VEPH1: variants seen among roughly 807,000 people sequenced by gnomAD.
VEPH1 encodes the protein ventricular zone expressed PH domain containing 1.
A neutral mutation model predicts 85.2 loss-of-function variants in VEPH1; 80 were observed. That is an observed-to-expected ratio of 0.94 (90% CI 0.78 to 1.13). The LOEUF is 1.13. VEPH1 is among the 50% of genes most tolerant of loss of function. VEPH1 has a pLI of 0.00. For synonymous variants in VEPH1, 297 were observed against 348.0 expected (o/e 0.85, Z 1.63); for missense variants, 955 against 980.5 (o/e 0.97, Z 0.35).
At chr3:157,495,143 G>C in intron 2 of VEPH1, 69 bp downstream of exon 2, 2 of 1,476,324 alleles carry the variant, frequency 1.4e-6, no homozygotes, top group South Asian at 2.5e-5. Flanking sequence ...TTTCTGCCAG[G>C]ATATAAACAA....
chr3:157,344,795 C>T (rs1238795174), intron 9 of VEPH1, among the ~76,000 whole-genome samples: 3 of 152,146 alleles, frequency 2.0e-5, no homozygotes, highest in Non-Finnish European at 2.9e-5. Context: ...GCTACAATAA[C>T]CAAAACATCA....
chr3:157,380,950 A>G lies in VEPH1; in HGVS notation c.1127+206T>C, dbSNP rs117947168. ...CTAATTCTTTTACCATATTTTGTGA[A>G]CCTTTTAAATTTATTGTTTTGTTAC... On this transcript the variant is annotated intron_variant, in intron 7 of 13. Coordinates refer to ENST00000362010, the MANE Select transcript of VEPH1 (RefSeq NM_001167912.2). Among the ~76,000 whole-genome samples the G allele has an allele frequency of 2.8e-3, 429 of 152,310 alleles. 7 individuals carry two copies. The East Asian group carries it at 0.044, about 16-fold the overall frequency.
intron 6 of VEPH1, among the ~76,000 whole-genome samples, chr3:157,399,889 T>G (rs1445293398): frequency 2.0e-5 from 3 of 152,140 alleles, no homozygotes; most frequent in Admixed American, 2.0e-4. Flanking sequence ...TCTCCAACTT[T>G]GAGCCGATTT....
At chr3:157,479,103 C>T (rs1737768250) in intron 2 of VEPH1, among the ~76,000 whole-genome samples, 1 of 152,102 alleles carries the variant, frequency 6.6e-6, no homozygotes, top group African/African-American at 2.4e-5. Flanking sequence ...ATCAGCTTTG[C>T]AATTAGGGTT....
In VEPH1 at chr3:157,261,104, G is replaced by A; in HGVS notation, c.*30C>T. On this transcript the variant is annotated 3_prime_UTR_variant, in exon 14 of 14. Transcript: ENST00000362010. ...GCAATGATAATACAATGCCTGTGGT[G>A]TATAATTGTCATGGCTGACTTATAA... 6.2e-7 allele frequency: 1 copy of A among 1,608,216 alleles called. No individual in the cohort carries two copies. The highest frequency in any genetic ancestry group is 8.5e-7 in the Non-Finnish European group (1 of 1,178,468).
chr3:157,343,135 A>G (rs1414509413), intron 9 of VEPH1, among the ~76,000 whole-genome samples: 1 of 152,208 alleles, frequency 6.6e-6, no homozygotes, highest in African/African-American at 2.4e-5. Flanking sequence ...AGCAAGAGCA[A>G]ATACATTCAA....
rs182913155 is a variant in VEPH1, at chr3:157,382,395, C to A, written c.907-1019G>T. Among the ~76,000 whole-genome samples the A allele has an allele frequency of 1.7e-4, 26 of 152,254 alleles. No individual in the cohort carries two copies. In the East Asian group the frequency reaches 1.9e-3, roughly 11 times the overall value. On this transcript the variant is annotated intron_variant, in intron 6 of 13. Coordinates refer to ENST00000362010, the MANE Select transcript of VEPH1 (RefSeq NM_001167912.2). Reference sequence around the variant, plus strand: ...ATATTTTGAGGCAACATGATCTAATCTGACATGACTGGAAGTTAGCCAAAA... The same window carrying A: ...ATATTTTGAGGCAACATGATCTAATATGACATGACTGGAAGTTAGCCAAAA...
At chr3:157,421,400 G>T (rs552335684) in intron 5 of VEPH1, among the ~76,000 whole-genome samples, 1 of 152,262 alleles carries the variant, frequency 6.6e-6, no homozygotes, top group South Asian at 2.1e-4. Flanking sequence ...TTACCTCCAA[G>T]TTACAGAGCA....
chr3:157,349,885 A>G (rs550205136), intron 9 of VEPH1, among the ~76,000 whole-genome samples: 1 of 152,340 alleles, frequency 6.6e-6, no homozygotes, highest in South Asian at 2.1e-4. Flanking sequence ...GGATACAAAC[A>G]AATGGAAAGA....
intron 12 of VEPH1, among the ~76,000 whole-genome samples, chr3:157,278,041 G>T (rs572586383): frequency 6.6e-6 from 1 of 152,296 alleles, no homozygotes; most frequent in African/African-American, 2.4e-5. Context: ...CATCTGTTGT[G>T]TGCTAGGGGC....
chr3:157,486,531 C>A (rs1416397745), intron 2 of VEPH1, among the ~76,000 whole-genome samples: 1 of 150,700 alleles, frequency 6.6e-6, no homozygotes, highest in Non-Finnish European at 1.5e-5. Flanking sequence ...CTAAGAATAG[C>A]TTCTGAACTC....
chr3:157,266,051 T>C (rs531117189), intron 12 of VEPH1, among the ~76,000 whole-genome samples: 1 of 148,262 alleles, frequency 6.7e-6, no homozygotes, highest in South Asian at 2.2e-4. Context: ...GTATCTAGTA[T>C]GCCATAAGCT....
At position 157,289,645 on chromosome 3, in the gene VEPH1, G is replaced by A. The variant is rs144293544; in HGVS notation, c.2011-2971C>T. The stretch of plus-strand genomic sequence containing the variant: ...CTCTTAAATGTGCTTGAGGTCAGTA[G>A]TTCTCTCTCCTACTCAACCTTCTTT... On this transcript the variant is annotated intron_variant, in intron 11 of 13. Transcript: ENST00000362010. Among the ~76,000 whole-genome samples, 259 of 152,344 alleles carry A rather than the reference G, an allele frequency of 1.7e-3. 1 individual carries two copies. Among genetic ancestry groups the A allele is most frequent in the East Asian group, 8.9e-3 (46 of 5,184 alleles).
intron 2 of VEPH1, among the ~76,000 whole-genome samples, chr3:157,492,368 A>T (rs145693305): frequency 1.3e-5 from 2 of 152,274 alleles, no homozygotes; most frequent in African/African-American, 4.8e-5. Flanking sequence ...TATATTTCCA[A>T]GTCTTGTATT....
chr3:157,275,590 A>C (rs986524059), intron 12 of VEPH1, among the ~76,000 whole-genome samples: 4 of 151,972 alleles, frequency 2.6e-5, no homozygotes, highest in African/African-American at 7.3e-5. Context: ...AAACCAACAA[A>C]AAATATATAT....
In VEPH1 at chr3:157,477,731, AT is replaced by A. The variant is rs556178791; in HGVS notation, c.139-7203del. ...CTAGTGTGATCCAATAGGCACGTAA[AT>A]GGAATAGCTATGGTGAGGGATAGAA... On this transcript the variant is annotated intron_variant, in intron 2 of 13. Transcript: ENST00000362010. Among the ~76,000 whole-genome samples, 519 of 152,292 alleles carry A rather than the reference AT, an allele frequency of 3.4e-3. 1 individual carries two copies. Among genetic ancestry groups the A allele is most frequent in the Non-Finnish European group, 6.0e-3 (410 of 68,022 alleles).
chr3:157,409,655 C>G, intron 6 of VEPH1: 1 of 985,386 alleles, frequency 1.0e-6, no homozygotes, highest in Middle Eastern at 5.2e-4. Context: ...TGTGATGCTG[C>G]TATCAAGCTG....
intron 1 of VEPH1, among the ~76,000 whole-genome samples, chr3:157,502,181 T>C (rs1032028861): frequency 6.6e-6 from 1 of 152,204 alleles, no homozygotes; most frequent in African/African-American, 2.4e-5. Context: ...TTCAGCCCTG[T>C]CTTTTTGCTA....
chr3:157,261,015 A>G lies in VEPH1; in HGVS notation c.*119T>C, dbSNP rs1712806151. Reference sequence around the variant, plus strand: ...AGGCCCTTCTTCTTAAAGGACAACAATTCCATTGGTATTTAGTAAAAAACA... The same window carrying G: ...AGGCCCTTCTTCTTAAAGGACAACAGTTCCATTGGTATTTAGTAAAAAACA... On this transcript the variant is annotated 3_prime_UTR_variant, in exon 14 of 14. Coordinates refer to ENST00000362010, the MANE Select transcript of VEPH1 (RefSeq NM_001167912.2). 1 of 1,395,386 alleles carries G rather than the reference A, an allele frequency of 7.2e-7. No individual in the cohort carries two copies. Among genetic ancestry groups the G allele is most frequent in the African/African-American group, 1.4e-5 (1 of 69,704 alleles). The allele number at this position is 1,395,386 out of a possible 1,614,324, so 86.4% of individuals were successfully genotyped here. A position where few individuals can be genotyped will look rare whatever the true frequency, so the allele number is the denominator to read the frequency against.
Sources: allele counts gnomAD v4.1 joint callset (sites outside exome capture counted in the v4.1 genomes callset), GRCh38; gene constraint gnomAD v4.1.1; transcripts MANE v1.5; gene names NCBI Gene and HGNC (gene_info 2026-07-23, HGNC 2026-07-21).